CTNNA3: variants seen among roughly 807,000 people sequenced by gnomAD.
CTNNA3 encodes the protein catenin alpha 3.
CTNNA3 carries 76 observed loss-of-function variants against 95.7 expected under a neutral mutation model. The ratio of observed to expected loss-of-function variants is 0.79; its 90% CI spans 0.66 to 0.96. The LOEUF (loss-of-function observed/expected upper bound fraction) is 0.96, where lower values mean the gene tolerates loss of function less well. CTNNA3 is among the 40% of genes least tolerant of loss of function. The pLI is 0.00. For synonymous variants in CTNNA3, 431 were observed against 374.4 expected (o/e 1.15, Z -1.74); for missense variants, 1,191 against 1,089.8 (o/e 1.09, Z -1.31).
At chr10:66,979,830 TG>T (rs1249351702) in intron 7 of CTNNA3, among the ~76,000 whole-genome samples, 1 of 152,162 alleles carries the variant, frequency 6.6e-6, no homozygotes, top group African/African-American at 2.4e-5. Context: ...TTGAAAGAAC[TG>T]ACATTTCCTG....
intron 13 of CTNNA3, among the ~76,000 whole-genome samples, chr10:66,109,204 T>C (rs1478112697): frequency 6.6e-6 from 1 of 152,200 alleles, no homozygotes; most frequent in Non-Finnish European, 1.5e-5. Flanking sequence ...TTACATGGGC[T>C]GGGACAATGG....
intron 10 of CTNNA3, among the ~76,000 whole-genome samples, chr10:66,597,646 C>G (rs899721744): frequency 2.7e-5 from 4 of 148,586 alleles, no homozygotes; most frequent in Non-Finnish European, 3.0e-5. Context: ...TTGTCACATA[C>G]AAAGGAACCC....
chr10:66,816,032 G>GT (rs1208721988), intron 7 of CTNNA3, among the ~76,000 whole-genome samples: 1 of 152,068 alleles, frequency 6.6e-6, no homozygotes, highest in Non-Finnish European at 1.5e-5. Flanking sequence ...CTACCAATTC[G>GT]TGTTGACGGG....
At chr10:67,185,778 T>G (rs1312248454) in intron 6 of CTNNA3, among the ~76,000 whole-genome samples, 1 of 152,054 alleles carries the variant, frequency 6.6e-6, no homozygotes, top group Admixed American at 6.5e-5. Context: ...TCCCAGCATT[T>G]TGGGAGGTTG....
intron 5 of CTNNA3, among the ~76,000 whole-genome samples, chr10:67,271,352 T>A (rs1026264405): frequency 5.3e-5 from 8 of 152,006 alleles, no homozygotes; most frequent in Non-Finnish European, 1.2e-4. Context: ...ATCTAATGGT[T>A]TTATAAGGGG....
intron 7 of CTNNA3, among the ~76,000 whole-genome samples, chr10:67,165,197 T>C (rs1861711824): frequency 6.6e-6 from 1 of 152,158 alleles, no homozygotes; most frequent in Non-Finnish European, 1.5e-5. Flanking sequence ...TATCAATATA[T>C]CCAACTTGGA....
intron 9 of CTNNA3, among the ~76,000 whole-genome samples, chr10:66,750,319 T>C (rs1839080709): frequency 6.6e-6 from 1 of 152,222 alleles, no homozygotes; most frequent in South Asian, 2.1e-4. Context: ...TTTTCTCCTA[T>C]GTTATCTTCT....
At chr10:66,459,979 TA>T (rs34895477) in intron 11 of CTNNA3, among the ~76,000 whole-genome samples, 40,205 of 151,990 alleles carry the variant, frequency 0.26, 5,474 homozygotes, top group South Asian at 0.39. Flanking sequence ...TGTTATGATG[TA>T]AATGACAGAT....
At chr10:65,925,064 A>G (rs2077146070) in intron 17 of CTNNA3, among the ~76,000 whole-genome samples, 1 of 152,122 alleles carries the variant, frequency 6.6e-6, no homozygotes. Context: ...CACAAAGCCA[A>G]ACCACAACAC....
chr10:66,547,347 C>CTTTTTTTTTTTTT (rs1296263060), intron 10 of CTNNA3, among the ~76,000 whole-genome samples: 10 of 109,278 alleles, frequency 9.2e-5, no homozygotes, highest in Non-Finnish European at 1.2e-4. Flanking sequence ...TTCTTTCTTT[C>CTTTTTTTTTTTTT]TTTTTTTTTT....
At chr10:67,098,026 TG>T (rs1224683957) in intron 7 of CTNNA3, 17 of 535,180 alleles carry the variant, frequency 3.2e-5, no homozygotes, top group Non-Finnish European at 4.3e-5. Context: ...AAACAGAGTA[TG>T]ACCCTGAAAA....
chr10:67,297,508 G>C (rs967059885), intron 5 of CTNNA3, among the ~76,000 whole-genome samples: 2 of 152,160 alleles, frequency 1.3e-5, no homozygotes, highest in Admixed American at 6.5e-5. Flanking sequence ...CCCTATAGCT[G>C]GTTTCAGTAT....
chr10:66,723,491 G>T (rs1285786833), intron 9 of CTNNA3, among the ~76,000 whole-genome samples: 2 of 152,100 alleles, frequency 1.3e-5, no homozygotes, highest in East Asian at 3.9e-4. Flanking sequence ...AAGGACTAAG[G>T]TCATCAAAAA....
chr10:66,262,593 G>C (rs1383740932), intron 13 of CTNNA3, among the ~76,000 whole-genome samples: 1 of 149,604 alleles, frequency 6.7e-6, no homozygotes, highest in Non-Finnish European at 1.5e-5. Context: ...CTTTTTTTTT[G>C]CAAAACCAAA....
chr10:67,274,516 T>A (rs1344155359), intron 5 of CTNNA3, among the ~76,000 whole-genome samples: 1 of 152,082 alleles, frequency 6.6e-6, no homozygotes, highest in African/African-American at 2.4e-5. Flanking sequence ...TTATACCACA[T>A]CTCTTTTGGT....
intron 7 of CTNNA3, among the ~76,000 whole-genome samples, chr10:67,079,910 A>C (rs917924181): frequency 7.3e-6 from 1 of 136,256 alleles, no homozygotes; most frequent in African/African-American, 2.7e-5. Context: ...CACACACACA[A>C]AGATAGTCAC....
intron 10 of CTNNA3, among the ~76,000 whole-genome samples, chr10:66,592,317 G>T (rs1477413215): frequency 6.6e-6 from 1 of 152,068 alleles, no homozygotes; most frequent in East Asian, 1.9e-4. Context: ...TTCCATAAAT[G>T]TCAGATTATT....
chr10:67,397,872 C>T (rs1433235617), intron 5 of CTNNA3, among the ~76,000 whole-genome samples: 1 of 152,244 alleles, frequency 6.6e-6, no homozygotes, highest in Non-Finnish European at 1.5e-5. Context: ...CAAGCCTTGG[C>T]AGCTTCCACA....
chr10:66,624,840 G>A (rs1844877163), intron 9 of CTNNA3, among the ~76,000 whole-genome samples: 1 of 152,098 alleles, frequency 6.6e-6, no homozygotes, highest in Non-Finnish European at 1.5e-5. Flanking sequence ...AGCAATATGT[G>A]TATGTCCTTT....
Sources: gnomAD v4.1 joint callset for allele counts (sites outside exome capture counted in the v4.1 genomes callset) on GRCh38, gnomAD v4.1.1 for gene constraint, MANE v1.5 for transcripts, NCBI Gene and HGNC (gene_info 2026-07-23, HGNC 2026-07-21) for gene names.